Variants in ADAMTSL3 observed in about 807,000 individuals in gnomAD.
ADAMTSL3 encodes ADAMTS-like protein 3.
ADAMTSL3 carries 128 observed loss-of-function variants against 201.7 expected under a neutral mutation model. The ratio of observed to expected loss-of-function variants is 0.63; its 90% CI spans 0.55 to 0.73. The LOEUF is 0.73. Among genes scored for constraint, ADAMTSL3 ranks in the 30% least tolerant of loss-of-function variants. The pLI is 0.00. For synonymous variants in ADAMTSL3, 738 were observed against 748.4 expected (o/e 0.99, Z 0.23); for missense variants, 1,990 against 2,119.6 (o/e 0.94, Z 1.20).
At chr15:83,677,700 T>A (rs897605423) in intron 2 of ADAMTSL3, among the ~76,000 whole-genome samples, 2 of 152,136 alleles carry the variant, frequency 1.3e-5, no homozygotes, top group Admixed American at 1.3e-4. Context: ...TTGAGTCATG[T>A]TTTTAAAAAA....
At chr15:83,909,407 A>G (rs1399825612) in intron 15 of ADAMTSL3, among the ~76,000 whole-genome samples, 1 of 151,948 alleles carries the variant, frequency 6.6e-6, no homozygotes, top group Non-Finnish European at 1.5e-5. Context: ...TATTTCAGTC[A>G]CTTTTTTCAT....
chr15:83,821,979 G>A (rs1294127280), intron 6 of ADAMTSL3, among the ~76,000 whole-genome samples: 6 of 148,092 alleles, frequency 4.1e-5, no homozygotes, highest in Admixed American at 2.0e-4. Context: ...CCCGGACGGG[G>A]CTGCTGGCCG....
At chr15:83,721,392 G>A (rs2062098362) in intron 3 of ADAMTSL3, among the ~76,000 whole-genome samples, 1 of 152,200 alleles carries the variant, frequency 6.6e-6, no homozygotes, top group African/African-American at 2.4e-5. Context: ...ATTGATTAGT[G>A]TTGGACCTCA....
chr15:84,001,431 T>C (rs2067790230), intron 23 of ADAMTSL3, among the ~76,000 whole-genome samples: 1 of 152,204 alleles, frequency 6.6e-6, no homozygotes, highest in Non-Finnish European at 1.5e-5. Flanking sequence ...AAAGTGGATA[T>C]TATATTTGTT....
chr15:84,004,124 T>C (rs1329893935), intron 23 of ADAMTSL3, among the ~76,000 whole-genome samples: 1 of 152,220 alleles, frequency 6.6e-6, no homozygotes, highest in African/African-American at 2.4e-5. Flanking sequence ...ACCCTGTTTT[T>C]TTTCTTTTCA....
In ADAMTSL3 at chr15:83,885,193, C is replaced by T. The variant is rs76382883; in HGVS notation, c.1053C>T (p.Cys351=). 3.1e-4 allele frequency: 506 copies of T among 1,613,472 alleles called. 2 individuals carry two copies. In the African/African-American group the frequency reaches 5.9e-3, roughly 19 times the overall value. ...HQWRQTDFFP[C]TVTCGGGYQL... ...GGAGACAAACTGACTTCTTTCCCTGCACTGTGACGTGTGGAGGAGGTGAGG... is the reference window on the plus strand; with the variant it reads ...GGAGACAAACTGACTTCTTTCCCTGTACTGTGACGTGTGGAGGAGGTGAGG... The change falls in exon 10 of 30, where the codon TGC becomes TGT. Residue 351 remains cysteine (C), a synonymous_variant. Transcript: ENST00000286744.
At chr15:84,029,480 T>G (rs1248619962) in intron 27 of ADAMTSL3, among the ~76,000 whole-genome samples, 1 of 152,180 alleles carries the variant, frequency 6.6e-6, no homozygotes, top group African/African-American at 2.4e-5. Flanking sequence ...TTTCTAAGCA[T>G]CAAAGCATTC....
intron 21 of ADAMTSL3, among the ~76,000 whole-genome samples, chr15:83,984,232 G>A (rs184126690): frequency 3.9e-5 from 6 of 152,256 alleles, no homozygotes; most frequent in East Asian, 3.9e-4. Context: ...TTTAGAGATC[G>A]TTAAGAGACA....
intron 2 of ADAMTSL3, among the ~76,000 whole-genome samples, chr15:83,672,205 A>G (rs1441455310): frequency 3.2e-4 from 49 of 152,214 alleles, no homozygotes; most frequent in Admixed American, 6.5e-5. Context: ...TTAGGAGTAC[A>G]TTTTAAGCTA....
chr15:84,016,387 A>G lies in ADAMTSL3; in HGVS notation c.4161A>G (p.Arg1387=). ...VATSVLHLLE[R]RWPESRIVFL... is the part of the protein sequence containing the mutation. ...GCTACTTTTTTTTTTCCTCAGAACG[A>G]AGATGGCCAGAGAGTAGAATCGTAT... Residue 1387 remains arginine, a synonymous_variant, in exon 25 of 30, where the codon CGA becomes CGG. Transcript: ENST00000286744. 1 of 1,613,548 alleles carries G rather than the reference A, an allele frequency of 6.2e-7. No individual in the cohort carries two copies. The highest frequency in any genetic ancestry group is 8.5e-7 in the Non-Finnish European group (1 of 1,179,656).
rs926198076 is a variant in ADAMTSL3, at chr15:83,864,558, C to A, written c.802+5718C>A. On this transcript the variant is annotated intron_variant, in intron 8 of 29. Transcript: ENST00000286744. ...TGCAGAAAAAGCCTTTGACAAAATT[C>A]AACAACGCTTCATGCTAAAAACTCT... is the stretch of plus-strand genomic sequence containing the variant. 1.8e-4 allele frequency among the ~76,000 whole-genome samples: 28 copies of A among 152,246 alleles called. No homozygotes were observed. The East Asian group carries it at 2.9e-3, about 16-fold the overall frequency.
chr15:83,875,280 CCAATGT>C (rs2065156619), intron 9 of ADAMTSL3, among the ~76,000 whole-genome samples: 1 of 152,180 alleles, frequency 6.6e-6, no homozygotes, highest in Non-Finnish European at 1.5e-5. Flanking sequence ...AAACCCTGAG[CCAATGT>C]CATTCATCAT....
chr15:83,775,590 G>C (rs942266878), intron 4 of ADAMTSL3, among the ~76,000 whole-genome samples: 1 of 152,058 alleles, frequency 6.6e-6, no homozygotes, highest in African/African-American at 2.4e-5. Context: ...TTTTCTACTC[G>C]TACTCAGAAG....
intron 15 of ADAMTSL3, among the ~76,000 whole-genome samples, chr15:83,900,511 C>T (rs1247797188): frequency 6.6e-6 from 1 of 152,250 alleles, no homozygotes; most frequent in East Asian, 1.9e-4. Flanking sequence ...AGTAATTGAA[C>T]AGAACAGCTG....
Position 83,745,483 on chromosome 15 carries a change from G to A in ADAMTSL3, c.190-28040G>A, listed in dbSNP as rs187055904. Among the ~76,000 whole-genome samples the A allele has an allele frequency of 4.7e-3, 717 of 152,282 alleles. 4 individuals are homozygous for A. Among genetic ancestry groups the A allele is most frequent in the Non-Finnish European group, 7.8e-3 (531 of 68,024 alleles). ...TAACAGTCCTTCTGGGGCTTCAGGG[G>A]TCATAGGTACTTCCTCCTAGACACT... is the stretch of plus-strand genomic sequence containing the variant. On this transcript the variant is annotated intron_variant, in intron 3 of 29. Transcript: ENST00000286744.
intron 19 of ADAMTSL3, among the ~76,000 whole-genome samples, chr15:83,955,815 G>A (rs941280503): frequency 1.3e-5 from 2 of 151,818 alleles, no homozygotes; most frequent in Non-Finnish European, 2.9e-5. Context: ...CCTCTTGACT[G>A]GTCTCTCTCC....
chr15:83,903,967 A>AGG (rs2065786325), intron 15 of ADAMTSL3, among the ~76,000 whole-genome samples: 4 of 96,072 alleles, frequency 4.2e-5, no homozygotes, highest in Admixed American at 1.2e-4. Flanking sequence ...AAAGAAAGAA[A>AGG]GAAAAGGAGC....
chr15:83,759,522 G>A (rs942612194), intron 3 of ADAMTSL3, among the ~76,000 whole-genome samples: 4 of 152,198 alleles, frequency 2.6e-5, no homozygotes, highest in African/African-American at 9.6e-5. Context: ...ACTGGGCCTG[G>A]CCAGCAGTAT....
chr15:83,827,572 A>G (rs900025652), intron 6 of ADAMTSL3, among the ~76,000 whole-genome samples: 16 of 152,338 alleles, frequency 1.1e-4, no homozygotes, highest in Admixed American at 2.0e-4. Flanking sequence ...TGTTTTGGAC[A>G]TGAAGTCCTT....
Sources: gnomAD v4.1 joint callset for allele counts (sites outside exome capture counted in the v4.1 genomes callset) on GRCh38, gnomAD v4.1.1 for gene constraint, MANE v1.5 for transcripts, NCBI Gene and HGNC (gene_info 2026-07-23, HGNC 2026-07-21) for gene names.